DLGAP1: variants seen among roughly 807,000 people sequenced by gnomAD.
DLGAP1 encodes DLG associated protein 1.
A neutral mutation model predicts 90.8 loss-of-function variants in DLGAP1; 11 were observed. The observed-to-expected ratio is 0.12, with a 90% CI of 0.08 to 0.20. The LOEUF is 0.20. Among genes scored for constraint, DLGAP1 ranks in the 10% least tolerant of loss-of-function variants. The pLI is 1.00. For synonymous variants in DLGAP1, 558 were observed against 540.7 expected (o/e 1.03, Z -0.44); for missense variants, 1,050 against 1,333.8 (o/e 0.79, Z 3.31).
At chr18:4,361,419 G>A (rs1209737047) in intron 1 of DLGAP1, among the ~76,000 whole-genome samples, 30 of 152,114 alleles carry the variant, frequency 2.0e-4, no homozygotes, top group Admixed American at 2.0e-3. Flanking sequence ...CAGGCCAATG[G>A]AACAGAATAG....
intron 9 of DLGAP1, among the ~76,000 whole-genome samples, chr18:3,563,811 T>G (rs2054284564): frequency 6.6e-6 from 1 of 152,176 alleles, no homozygotes; most frequent in Non-Finnish European, 1.5e-5. Flanking sequence ...GCTTTTCAGT[T>G]TTGGAAGTTT....
chr18:3,961,759 G>A (rs1387815879), intron 3 of DLGAP1, among the ~76,000 whole-genome samples: 2 of 152,208 alleles, frequency 1.3e-5, no homozygotes, highest in Non-Finnish European at 2.9e-5. Flanking sequence ...TACCATCCCA[G>A]GTACCTGGAG....
intron 3 of DLGAP1, among the ~76,000 whole-genome samples, chr18:3,980,160 AAAAAAGT>A (rs1055433661): frequency 6.6e-6 from 1 of 152,170 alleles, no homozygotes; most frequent in African/African-American, 2.4e-5. Flanking sequence ...TAAATAAACA[AAAAAAGT>A]AAAAAGTAAA....
At position 4,142,937 on chromosome 18, in the gene DLGAP1, T is replaced by G. The variant is rs949194626; in HGVS notation, c.-159+8243A>C. 3.3e-5 allele frequency among the ~76,000 whole-genome samples: 5 copies of G among 152,140 alleles called. No individual in the cohort carries two copies. The South Asian group carries it at 8.3e-4, about 25-fold the overall frequency. On this transcript the variant is annotated intron_variant, in intron 2 of 12. Transcript: ENST00000315677. Reference sequence around the variant, plus strand: ...TTCTAGATTGCCAGGCAAAGACTCTTGTTCTCCTCTCTTACTTTCTCCCAA... The same window carrying G: ...TTCTAGATTGCCAGGCAAAGACTCTGGTTCTCCTCTCTTACTTTCTCCCAA...
chr18:4,176,790 G>C (rs994553684), intron 1 of DLGAP1, among the ~76,000 whole-genome samples: 6 of 152,224 alleles, frequency 3.9e-5, no homozygotes, highest in African/African-American at 1.4e-4. Context: ...ACAGGACTTT[G>C]TGTGAGAATT....
chr18:4,352,156 T>C (rs2081416484), intron 1 of DLGAP1, among the ~76,000 whole-genome samples: 1 of 152,222 alleles, frequency 6.6e-6, no homozygotes, highest in Non-Finnish European at 1.5e-5. Context: ...TTCTGTCTCC[T>C]GCCAGTTTTC....
intron 1 of DLGAP1, among the ~76,000 whole-genome samples, chr18:4,194,942 T>G (rs1386060503): frequency 6.6e-6 from 1 of 152,200 alleles, no homozygotes; most frequent in East Asian, 1.9e-4. Flanking sequence ...GTGAGATGTT[T>G]GAAATTTATT....
intron 1 of DLGAP1, among the ~76,000 whole-genome samples, chr18:4,308,688 G>A (rs911444181): frequency 5.9e-5 from 9 of 152,120 alleles, no homozygotes; most frequent in Admixed American, 3.3e-4. Context: ...ATAGTAGTAG[G>A]TCTATGATTG....
intron 1 of DLGAP1, among the ~76,000 whole-genome samples, chr18:4,202,920 A>C (rs2077634446): frequency 6.6e-6 from 1 of 152,158 alleles, no homozygotes; most frequent in Non-Finnish European, 1.5e-5. Context: ...ACATTCTAGG[A>C]AGTACAGATA....
chr18:3,642,523 T>C (rs2058975201), intron 7 of DLGAP1, among the ~76,000 whole-genome samples: 1 of 152,194 alleles, frequency 6.6e-6, no homozygotes, highest in African/African-American at 2.4e-5. Flanking sequence ...TTACTGTGGA[T>C]GACTTCAAGG....
rs114509678 is a variant in DLGAP1, at chr18:4,003,932, C to G, written c.-73+1184G>C. Among the ~76,000 whole-genome samples, 953 of 152,244 alleles carry G rather than the reference C, an allele frequency of 6.3e-3. 12 individuals carry two copies. The highest frequency in any genetic ancestry group is 0.022 in the African/African-American group (915 of 41,524). On this transcript the variant is annotated intron_variant, in intron 3 of 12. Transcript: ENST00000315677. ...TTGAAGACAGAGAAGTGTCAAAGAA[C>G]TGATGGTCTGACTTGAGTCCTGGTG... is the stretch of plus-strand genomic sequence containing the variant.
At chr18:3,576,202 C>T (rs945504790) in intron 8 of DLGAP1, among the ~76,000 whole-genome samples, 2 of 151,988 alleles carry the variant, frequency 1.3e-5, no homozygotes, top group Non-Finnish European at 2.9e-5. Flanking sequence ...CTTCCTGTTT[C>T]CACCTTCTTC....
chr18:3,751,896 TTTAA>T (rs1460845756), intron 5 of DLGAP1, among the ~76,000 whole-genome samples: 6 of 143,664 alleles, frequency 4.2e-5, no homozygotes, highest in Middle Eastern at 3.5e-3. Context: ...TTTTTTTTTT[TTTAA>T]TGAGATGCAG....
chr18:4,007,507 T>G (rs2149087751), intron 2 of DLGAP1, among the ~76,000 whole-genome samples: 1 of 152,010 alleles, frequency 6.6e-6, no homozygotes, highest in Admixed American at 6.6e-5. Flanking sequence ...AATACAAAAA[T>G]TAGCCGGGCG....
chr18:4,233,324 C>T (rs117820851), intron 1 of DLGAP1, among the ~76,000 whole-genome samples: 2,615 of 152,212 alleles, frequency 0.017, 35 homozygotes, highest in Non-Finnish European at 0.024. Flanking sequence ...CTTAGTATTT[C>T]CTTGTCTTTC....
In DLGAP1 at chr18:3,741,273, CAT is replaced by C. The variant is rs1374478166; in HGVS notation, c.1350+1060_1350+1061del. Among the ~76,000 whole-genome samples the C allele has an allele frequency of 9.9e-3, 1,175 of 118,658 alleles. 64 individuals are homozygous for C. Among genetic ancestry groups the C allele is most frequent in the African/African-American group, 0.041 (1,096 of 26,930 alleles). The allele number at this position is 118,658 out of a possible 152,430, so 77.8% of individuals were successfully genotyped here. ...ATCACCACCACAATCACCACCACCACATCACCATCACCACCACCACCACCACC... is the reference window on the plus strand; with the variant it reads ...ATCACCACCACAATCACCACCACCACCACCATCACCACCACCACCACCACC... On this transcript the variant is annotated intron_variant, in intron 6 of 12. Transcript: ENST00000315677.
chr18:3,537,869 C>T (rs1345292089), intron 9 of DLGAP1, among the ~76,000 whole-genome samples: 1 of 152,098 alleles, frequency 6.6e-6, no homozygotes, highest in Non-Finnish European at 1.5e-5. Context: ...CATGATTGTG[C>T]CATTTTAAGA....
At chr18:3,736,158 A>G (rs1332187040) in intron 6 of DLGAP1, among the ~76,000 whole-genome samples, 1 of 152,194 alleles carries the variant, frequency 6.6e-6, no homozygotes, top group East Asian at 1.9e-4. Flanking sequence ...CCAGATGAAA[A>G]TACCTAGGAT....
chr18:3,932,141 C>T (rs773098072), intron 3 of DLGAP1, among the ~76,000 whole-genome samples: 1 of 152,186 alleles, frequency 6.6e-6, no homozygotes, highest in African/African-American at 2.4e-5. Context: ...CTTCTAAAGT[C>T]GCCCACATGG....
Sources: gnomAD v4.1 joint callset for allele counts (sites outside exome capture counted in the v4.1 genomes callset) on GRCh38, gnomAD v4.1.1 for gene constraint, MANE v1.5 for transcripts, NCBI Gene and HGNC (gene_info 2026-07-23, HGNC 2026-07-21) for gene names.